The following MAD1L1 variants were observed in gnomAD, a reference collection of about 807,000 sequenced individuals.
MAD1L1 encodes mitotic spindle assembly checkpoint protein MAD1.
A neutral mutation model predicts 96.9 loss-of-function variants in MAD1L1; 95 were observed. The ratio of observed to expected loss-of-function variants is 0.98; its 90% confidence interval spans 0.83 to 1.16. The LOEUF is 1.16. Ranked by LOEUF, MAD1L1 falls within the 50% of genes most tolerant of loss-of-function variation. The pLI is 0.00. For missense variants in MAD1L1, 1,007 were observed against 954.4 expected (o/e 1.06, Z -0.73); for synonymous variants, 473 against 396.6 (o/e 1.19, Z -2.29).
At position 1,816,027 on chromosome 7, in the gene MAD1L1, A is replaced by G. The variant is rs750559426; in HGVS notation, c.*43T>C. 2 of 1,550,366 alleles carry G rather than the reference A, an allele frequency of 1.3e-6. No individual in the cohort carries two copies. Among genetic ancestry groups the G allele is most frequent in the African/African-American group, 2.7e-5 (2 of 73,998 alleles). ...TGGCGGGGCAGGGGACCTGCAGGTCAGGCCAAGCAGAGTGGCTCCGGCTAT... is the reference window on the plus strand; with the variant it reads ...TGGCGGGGCAGGGGACCTGCAGGTCGGGCCAAGCAGAGTGGCTCCGGCTAT... On this transcript the variant is annotated 3_prime_UTR_variant, in exon 19 of 19. Coordinates refer to ENST00000265854, the MANE Select transcript of MAD1L1 (RefSeq NM_001013836.2).
At chr7:2,014,697 T>C (rs1299987574) in intron 12 of MAD1L1, 55 bp from the exon 13 acceptor site, 3 of 1,542,016 alleles carry the variant, frequency 1.9e-6, no homozygotes, top group Admixed American at 3.7e-5. Flanking sequence ...GAGGTAATGA[T>C]GGAGACGGCT....
chr7:2,198,440 G>A (rs1792106218), intron 10 of MAD1L1, among the ~76,000 whole-genome samples: 1 of 152,336 alleles, frequency 6.6e-6, no homozygotes, highest in African/African-American at 2.4e-5. Flanking sequence ...CTGAGCACCT[G>A]GCCTGCTCTA....
intron 18 of MAD1L1, among the ~76,000 whole-genome samples, chr7:1,886,963 GAGA>G (rs1363225981): frequency 6.6e-6 from 1 of 152,406 alleles, no homozygotes; most frequent in Admixed American, 6.5e-5. Flanking sequence ...GGTTCCTGGT[GAGA>G]AGGCTTCAGG....
intron 11 of MAD1L1, among the ~76,000 whole-genome samples, chr7:2,086,087 G>C (rs1266488844): frequency 2.0e-5 from 3 of 152,176 alleles, no homozygotes; most frequent in Admixed American, 2.0e-4. Context: ...GGGGAGGACG[G>C]CAAGACCCGT....
intron 11 of MAD1L1, among the ~76,000 whole-genome samples, chr7:2,101,718 C>T (rs901218276): frequency 2.6e-5 from 4 of 152,196 alleles, no homozygotes; most frequent in African/African-American, 9.7e-5. Flanking sequence ...AAGTGAGCAG[C>T]CTCTATGCTG....
chr7:2,071,206 T>C (rs1785110530), intron 11 of MAD1L1, among the ~76,000 whole-genome samples: 1 of 142,116 alleles, frequency 7.0e-6, no homozygotes, highest in Non-Finnish European at 1.5e-5. Flanking sequence ...TTTTTAACTG[T>C]AACTTAGTAG....
chr7:2,092,962 G>A (rs967958716), intron 11 of MAD1L1, among the ~76,000 whole-genome samples: 2 of 152,108 alleles, frequency 1.3e-5, no homozygotes, highest in Admixed American at 1.3e-4. Flanking sequence ...TTTGGGCCGA[G>A]TGCAGTGGCT....
chr7:2,070,458 G>A (rs1383238405), intron 11 of MAD1L1, among the ~76,000 whole-genome samples: 2 of 152,208 alleles, frequency 1.3e-5, no homozygotes, highest in African/African-American at 2.4e-5. Context: ...CCCGAGAGGA[G>A]GAGAGTCAGG....
chr7:2,011,569 A>G (rs1782302867), intron 13 of MAD1L1, among the ~76,000 whole-genome samples: 1 of 152,168 alleles, frequency 6.6e-6, no homozygotes, highest in South Asian at 2.1e-4. Context: ...CAGGCTCCGC[A>G]GGTGACCTGG....
At chr7:2,003,382 G>T (rs888672661) in intron 13 of MAD1L1, among the ~76,000 whole-genome samples, 1 of 152,128 alleles carries the variant, frequency 6.6e-6, no homozygotes, top group African/African-American at 2.4e-5. Flanking sequence ...AGCCCCTGGG[G>T]ACACAGCCTG....
chr7:1,877,917 G>C (rs1475611992), intron 18 of MAD1L1, among the ~76,000 whole-genome samples: 1 of 152,038 alleles, frequency 6.6e-6, no homozygotes, highest in Non-Finnish European at 1.5e-5. Context: ...TGAAAGGAGA[G>C]AGATAAAAAA....
intron 18 of MAD1L1, among the ~76,000 whole-genome samples, chr7:1,820,678 G>A (rs1198573555): frequency 6.6e-6 from 1 of 152,080 alleles, no homozygotes; most frequent in Admixed American, 6.6e-5. Flanking sequence ...AGGAGTTTGA[G>A]GCTGTAGTGA....
chr7:1,924,790 G>A (rs1174494773), intron 17 of MAD1L1, among the ~76,000 whole-genome samples: 1 of 152,162 alleles, frequency 6.6e-6, no homozygotes, highest in Non-Finnish European at 1.5e-5. Context: ...CATATAGAGA[G>A]TAAGTACATA....
At chr7:1,932,487 C>T (rs1047535405) in intron 17 of MAD1L1, among the ~76,000 whole-genome samples, 3 of 152,236 alleles carry the variant, frequency 2.0e-5, no homozygotes, top group East Asian at 1.9e-4. Context: ...TTCCTTCAGA[C>T]CTGATGTGGG....
At chr7:2,049,485 T>G (rs2128516506) in intron 12 of MAD1L1, among the ~76,000 whole-genome samples, 1 of 152,324 alleles carries the variant, frequency 6.6e-6, no homozygotes, top group South Asian at 2.1e-4. Context: ...ACGGGCCTTC[T>G]GATGGCACTC....
At chr7:1,825,808 G>T (rs1480857906) in intron 18 of MAD1L1, among the ~76,000 whole-genome samples, 13 of 152,150 alleles carry the variant, frequency 8.5e-5, no homozygotes, top group Admixed American at 8.5e-4. Flanking sequence ...ATCCCAGCAG[G>T]TGCTGCTGGG....
chr7:1,901,158 G>A (rs571405575), intron 17 of MAD1L1, among the ~76,000 whole-genome samples: 44 of 152,296 alleles, frequency 2.9e-4, no homozygotes, highest in African/African-American at 9.6e-4. Context: ...CGACGGAGTC[G>A]GTTCAGTTTG....
chr7:1,896,558 A>G (rs1363550714), intron 18 of MAD1L1, among the ~76,000 whole-genome samples: 1 of 152,236 alleles, frequency 6.6e-6, no homozygotes, highest in Non-Finnish European at 1.5e-5. Context: ...CCGAGTTCCC[A>G]GGTGTAAATG....
At chr7:1,983,709 G>C (rs539681491) in intron 14 of MAD1L1, among the ~76,000 whole-genome samples, 7 of 152,218 alleles carry the variant, frequency 4.6e-5, no homozygotes, top group South Asian at 2.1e-4. Context: ...CCACCGTCCA[G>C]ATCAGGACAC....
Sources: gnomAD v4.1 joint callset for allele counts (sites outside exome capture counted in the v4.1 genomes callset) on GRCh38, gnomAD v4.1.1 for gene constraint, MANE v1.5 for transcripts, NCBI Gene and HGNC (gene_info 2026-07-23, HGNC 2026-07-21) for gene names.